SHANK2: variants seen among roughly 807,000 people sequenced by gnomAD.
SHANK2 encodes the protein SH3 and multiple ankyrin repeat domains protein 2.
In SHANK2, 43 loss-of-function variants were observed where a neutral mutation model predicts 133.7. That is an observed-to-expected ratio of 0.32 (90% CI 0.25 to 0.41). SHANK2 has a LOEUF of 0.41. Among genes scored for constraint, SHANK2 ranks in the 10% least tolerant of loss-of-function variants. The pLI is 1.00. For missense variants in SHANK2, 1,994 were observed against 2,235.8 expected, an observed-to-expected ratio of 0.89 and a Z score of 2.18; for synonymous variants, 1,017 against 952.8, an observed-to-expected ratio of 1.07 and a Z score of -1.24.
At chr11:70,825,634 T>C (rs1398361048) in intron 11 of SHANK2, among the ~76,000 whole-genome samples, 9 of 152,196 alleles carry the variant, frequency 5.9e-5, no homozygotes, top group African/African-American at 2.2e-4. Flanking sequence ...TGAAATTTCT[T>C]TGGTGTTTAT....
intron 17 of SHANK2, among the ~76,000 whole-genome samples, chr11:70,600,143 G>A (rs1490228362): frequency 6.6e-6 from 1 of 152,096 alleles, no homozygotes; most frequent in African/African-American, 2.4e-5. Flanking sequence ...TATGGAGCAG[G>A]CACGGTGGCT....
chr11:70,631,898 A>G (rs1435841167), intron 17 of SHANK2: 1 of 152,200 alleles, frequency 6.6e-6, no homozygotes, highest in Admixed American at 6.5e-5. Context: ...CTTGGAAAAC[A>G]CAAGTCTCAG....
At chr11:71,167,071 C>T (rs1240890823) in intron 2 of SHANK2, among the ~76,000 whole-genome samples, 449 of 145,392 alleles carry the variant, frequency 3.1e-3, no homozygotes, top group East Asian at 6.4e-3. Context: ...CCTGAGTGGA[C>T]ACAGCACATG....
rs149237859 is a variant in SHANK2 at position 70,808,392 on chromosome 11, C to T, written c.1494-1221G>A. ...ACTTTTTGTATTTTTAGTAGAGATG[C>T]GGTTTCACCATGTTCACCAGGATGG... On this transcript the variant is annotated intron_variant, in intron 12 of 25. Coordinates refer to ENST00000601538, the MANE Select transcript of SHANK2 (RefSeq NM_012309.5). 1.9e-3 allele frequency among the ~76,000 whole-genome samples: 289 copies of T among 151,630 alleles called. 1 individual carries two copies. The highest frequency in any genetic ancestry group is 6.6e-3 in the African/African-American group (272 of 41,298).
intron 25 of SHANK2, among the ~76,000 whole-genome samples, chr11:70,484,378 T>C (rs2058773896): frequency 6.6e-6 from 1 of 152,142 alleles, no homozygotes; most frequent in African/African-American, 2.4e-5. Context: ...GAGATCAGGT[T>C]GTTTAAATAG....
At chr11:70,493,228 G>A (rs1591498714) in intron 21 of SHANK2, among the ~76,000 whole-genome samples, 1 of 141,626 alleles carries the variant, frequency 7.1e-6, no homozygotes, top group African/African-American at 2.6e-5. Context: ...CTTTGTAACT[G>A]TGATTGCCAA....
chr11:70,893,905 G>A (rs1047847912), intron 11 of SHANK2, among the ~76,000 whole-genome samples: 7 of 152,212 alleles, frequency 4.6e-5, no homozygotes, highest in Non-Finnish European at 8.8e-5. Context: ...AGTCACGTGA[G>A]CCTGTGGTGG....
intron 11 of SHANK2, among the ~76,000 whole-genome samples, chr11:70,870,314 G>C (rs1427313805): frequency 6.6e-6 from 1 of 152,170 alleles, no homozygotes; most frequent in Non-Finnish European, 1.5e-5. Flanking sequence ...CAGTGGGGAG[G>C]GAGGGGCAGA....
intron 14 of SHANK2, among the ~76,000 whole-genome samples, chr11:70,702,135 A>T (rs1293947164): frequency 1.4e-5 from 2 of 145,086 alleles, no homozygotes; most frequent in Non-Finnish European, 3.0e-5. Context: ...CCACATCATC[A>T]CCACCATCTT....
At chr11:70,700,236 T>C (rs1945489562) in intron 14 of SHANK2, among the ~76,000 whole-genome samples, 3 of 152,156 alleles carry the variant, frequency 2.0e-5, no homozygotes, top group Admixed American at 2.0e-4. Context: ...ACCATCTCCA[T>C]CATCGTCACT....
intron 3 of SHANK2, among the ~76,000 whole-genome samples, chr11:71,137,070 C>A (rs550415600): frequency 6.0e-4 from 92 of 152,090 alleles, no homozygotes; most frequent in African/African-American, 2.0e-3. Context: ...ACAATGTTGG[C>A]CAGGCTGGTC....
chr11:70,473,246 G>T lies in SHANK2; in HGVS notation c.5173C>A (p.Pro1725Thr). The T allele has an allele frequency of 2.5e-6, 4 of 1,610,448 alleles. No homozygotes were observed. The highest frequency in any genetic ancestry group is 3.4e-6 in the Non-Finnish European group (4 of 1,176,924). The change falls in exon 26 of 26, where the codon CCC becomes ACC. Residue 1725 changes from proline (P) to threonine (T), a missense_variant. Pro to Thr is a conservative substitution (Grantham distance 38). This residue lies in a region of SHANK2 where 797 missense variants were observed against 907.4 expected (regional missense o/e 0.88). Coordinates refer to ENST00000601538, the MANE Select transcript of SHANK2 (RefSeq NM_012309.5). This position sits in a 1 kb window ranked among gnomAD's most constrained non-coding sequence, Gnocchi z 5.9. ...TEMNKETLPA[P>T]LSAATASPSP... The stretch of plus-strand genomic sequence containing the variant: ...GGAGAGGCGGTGGCAGCAGACAGGG[G>T]GGCGGGCAGGGTCTCTTTGTTCATC...
intron 10 of SHANK2, among the ~76,000 whole-genome samples, chr11:70,948,737 C>G (rs1024315046): frequency 6.6e-6 from 1 of 152,180 alleles, no homozygotes; most frequent in Admixed American, 6.5e-5. Flanking sequence ...ACGCTCCCAA[C>G]CCCTGCCGAA....
intron 14 of SHANK2, among the ~76,000 whole-genome samples, chr11:70,788,995 G>T (rs1412819211): frequency 2.0e-5 from 3 of 152,144 alleles, no homozygotes; most frequent in Non-Finnish European, 4.4e-5. Flanking sequence ...GTGGCGGTCC[G>T]GAGACACTTC....
intron 2 of SHANK2, among the ~76,000 whole-genome samples, chr11:71,214,342 C>T (rs539877997): frequency 3.5e-4 from 54 of 152,320 alleles, no homozygotes; most frequent in Non-Finnish European, 5.6e-4. Flanking sequence ...TGAGGAACCG[C>T]GTGCTGGCTC....
intron 2 of SHANK2, among the ~76,000 whole-genome samples, chr11:71,169,897 C>G (rs1482869813): frequency 1.3e-5 from 2 of 151,800 alleles, no homozygotes; most frequent in African/African-American, 4.8e-5. Flanking sequence ...AAAATGTTTC[C>G]ATTTTATAGA....
At chr11:70,697,261 T>C (rs1354979255) in intron 15 of SHANK2, among the ~76,000 whole-genome samples, 2 of 152,222 alleles carry the variant, frequency 1.3e-5, no homozygotes, top group Non-Finnish European at 2.9e-5. Flanking sequence ...ATGGTCGGAA[T>C]AGGAAACTTC....
At chr11:70,852,311 C>T (rs1033243768) in intron 11 of SHANK2, among the ~76,000 whole-genome samples, 17 of 152,190 alleles carry the variant, frequency 1.1e-4, no homozygotes, top group African/African-American at 4.1e-4. Context: ...GAACGTAAAC[C>T]CCAGTCAACT....
chr11:71,074,019 C>T (rs889524444), intron 9 of SHANK2, among the ~76,000 whole-genome samples: 78 of 152,300 alleles, frequency 5.1e-4, no homozygotes, highest in African/African-American at 1.7e-3. Context: ...AGCATGGAGG[C>T]GTGGCACTGA....
Sources: gnomAD v4.1 joint callset for allele counts (sites outside exome capture counted in the v4.1 genomes callset) on GRCh38, gnomAD v4.1.1 for gene constraint, gnomAD v4.1.1 regional missense constraint, Gnocchi (gnomAD v3.1) non-coding constraint, MANE v1.5 for transcripts, NCBI Gene and HGNC (gene_info 2026-07-23, HGNC 2026-07-21) for gene names.